The following TPGS2 variants were observed in gnomAD, a reference collection of about 807,000 sequenced individuals.
The protein encoded by TPGS2 is tubulin polyglutamylase complex subunit 2.
In TPGS2, 26 loss-of-function variants were observed where a neutral mutation model predicts 31.1. That is an observed-to-expected ratio of 0.84 (90% CI 0.61 to 1.16). TPGS2 has a LOEUF of 1.16. Ranked by LOEUF, TPGS2 falls within the 50% of genes most tolerant of loss-of-function variation. TPGS2 has a pLI of 0.00. For missense variants in TPGS2, 351 were observed against 363.8 expected (o/e 0.96, Z 0.29); for synonymous variants, 130 against 136.6 (o/e 0.95, Z 0.34).
chr18:36,790,999 C>T (rs1249406504), downstream of TPGS2, among the ~76,000 whole-genome samples: 1 of 152,102 alleles, frequency 6.6e-6, no homozygotes, highest in Non-Finnish European at 1.5e-5. Flanking sequence ...GAGGAGGGGC[C>T]TTGTGGGAGG....
rs59637434 is a variant in TPGS2 at position 36,818,502 on chromosome 18, G to A, written c.165+392C>T. The A allele has an allele frequency of 3.9e-3, 612 of 156,570 alleles. 5 individuals carry two copies. The highest frequency in any genetic ancestry group is 0.014 in the African/African-American group (576 of 41,714). The allele number at this position is 156,570 out of a possible 1,614,324, so 9.7% of individuals were successfully genotyped here. ...AGCTTAAAACTTTTATTGAATAAAC[G>A]AATTGAAGTTCAGAGGAAAGTTGGA... On this transcript the variant is annotated intron_variant, in intron 2 of 6. Coordinates refer to ENST00000334295, the MANE Select transcript of TPGS2 (RefSeq NM_015476.4).
chr18:36,780,250 T>C, downstream of TPGS2: 2 of 1,168,528 alleles, frequency 1.7e-6, no homozygotes, highest in Non-Finnish European at 2.1e-6. Context: ...CCTTTTATAA[T>C]TGGGCCTAAG....
intron 6 of TPGS2, among the ~76,000 whole-genome samples, chr18:36,787,870 G>A (rs981155156): frequency 5.9e-5 from 9 of 152,246 alleles, no homozygotes; most frequent in Admixed American, 4.6e-4. Flanking sequence ...AATCCAGCTA[G>A]CTATCCCTCT....
At chr18:36,788,292 C>G (rs2044192896) in intron 6 of TPGS2, among the ~76,000 whole-genome samples, 1 of 152,178 alleles carries the variant, frequency 6.6e-6, no homozygotes, top group Non-Finnish European at 1.5e-5. Context: ...AGAGCCCCAA[C>G]ACCATGTCCC....
chr18:36,800,708 G>A (rs1302411981), intron 4 of TPGS2, among the ~76,000 whole-genome samples: 4 of 108,928 alleles, frequency 3.7e-5, no homozygotes, highest in Non-Finnish European at 8.0e-5. Flanking sequence ...TTTTTTTTTT[G>A]AGATGGAGTC....
chr18:36,814,694 C>G (rs1350012736), intron 2 of TPGS2, among the ~76,000 whole-genome samples: 1 of 152,180 alleles, frequency 6.6e-6, no homozygotes, highest in Non-Finnish European at 1.5e-5. Flanking sequence ...CATATCCTTA[C>G]TAGTATAACA....
intron 1 of TPGS2, chr18:36,821,211 T>G (rs2045880680): frequency 6.6e-6 from 1 of 152,234 alleles, no homozygotes; most frequent in Non-Finnish European, 1.5e-5. Context: ...TGCCTTTCTT[T>G]GATTCCTGAG....
In TPGS2 at chr18:36,794,169, A is replaced by C. The variant is rs574181886; in HGVS notation, c.*2636T>G. 9 of 661,506 alleles carry C rather than the reference A, an allele frequency of 1.4e-5. No individual in the cohort carries two copies. In the Admixed American group the frequency reaches 5.7e-4, roughly 42 times the overall value. The allele number at this position is 661,506 out of a possible 1,614,324, so 41.0% of individuals were successfully genotyped here. On this transcript the variant is annotated 3_prime_UTR_variant, in exon 7 of 7. Coordinates refer to ENST00000334295, the MANE Select transcript of TPGS2 (RefSeq NM_015476.4). The stretch of plus-strand genomic sequence containing the variant: ...TAAGTAGCAAATAAAAAACACAGCC[A>C]TAACAAGTTGAGAAAGACACTATGG...
In TPGS2 at chr18:36,796,490, G is replaced by A; in HGVS notation, c.*315C>T. ...GGTCAAAACCAGTGGTTTCTTTGGG[G>A]GACCTCTCTAATCAATCAGTGCTAA... On this transcript the variant is annotated 3_prime_UTR_variant, in exon 7 of 7. Transcript: ENST00000334295. 2 of 1,100,280 alleles carry A rather than the reference G, an allele frequency of 1.8e-6. No homozygotes were observed. The highest frequency in any genetic ancestry group is 2.2e-6 in the Non-Finnish European group (2 of 905,820). 68.2% of individuals were successfully genotyped at this position (1,100,280 alleles called of 1,614,324 possible).
chr18:36,787,755 A>G (rs901220166), intron 6 of TPGS2, among the ~76,000 whole-genome samples: 1 of 152,242 alleles, frequency 6.6e-6, no homozygotes, highest in African/African-American at 2.4e-5. Flanking sequence ...CTTGGCTTAG[A>G]TGATTAGGCA....
At chr18:36,804,809 C>T (rs1051915507) in intron 4 of TPGS2, among the ~76,000 whole-genome samples, 1 of 152,142 alleles carries the variant, frequency 6.6e-6, no homozygotes, top group African/African-American at 2.4e-5. Flanking sequence ...GCTGAGAAAA[C>T]CATTGTTTTC....
chr18:36,787,071 A>G, intron 6 of TPGS2: 3 of 1,232,994 alleles, frequency 2.4e-6, no homozygotes, highest in East Asian at 3.2e-5. Context: ...TTTTGATATT[A>G]TAAGTTATCT....
chr18:36,828,617 C>T (rs765359598), intron 1 of TPGS2, 66 bp downstream of exon 1: 1 of 1,572,704 alleles, frequency 6.4e-7, no homozygotes, highest in Non-Finnish European at 8.7e-7. Flanking sequence ...TCACCCCGCA[C>T]CTCATCCCTC....
chr18:36,807,463 TG>T (rs2045210751), intron 3 of TPGS2: 1 of 185,328 alleles, frequency 5.4e-6, no homozygotes, highest in Admixed American at 6.1e-5. Flanking sequence ...AAGAGATAAG[TG>T]GCCCCCTCAT....
intron 1 of TPGS2, among the ~76,000 whole-genome samples, chr18:36,827,993 G>C (rs1299793931): frequency 6.6e-6 from 1 of 152,050 alleles, no homozygotes; most frequent in Non-Finnish European, 1.5e-5. Flanking sequence ...GATCACCTGA[G>C]GTCAGGAGTT....
At chr18:36,790,673 G>A (rs911933628), downstream of TPGS2, among the ~76,000 whole-genome samples, 2 of 152,196 alleles carry the variant, frequency 1.3e-5, no homozygotes, top group Non-Finnish European at 2.9e-5. Context: ...TCTGTGGGCT[G>A]ACCTTAGGTA....
chr18:36,795,669 T>C lies in TPGS2; in HGVS notation c.*1136A>G. 4.1e-6 allele frequency: 4 copies of C among 985,476 alleles called. No individual in the cohort carries two copies. The highest frequency in any genetic ancestry group is 4.8e-6 in the Non-Finnish European group (4 of 829,940). 61.0% of individuals were successfully genotyped at this position (985,476 alleles called of 1,614,324 possible). On this transcript the variant is annotated 3_prime_UTR_variant, in exon 7 of 7. Coordinates refer to ENST00000334295, the MANE Select transcript of TPGS2 (RefSeq NM_015476.4). ...TTTATCTTGTGTCAAATATTAAGCA[T>C]ATGTGGGCTAGAGGTTCCCCCATAT... is the stretch of plus-strand genomic sequence containing the variant.
At position 36,796,949 on chromosome 18, in the gene TPGS2, C is replaced by CT. The variant is rs779227658; in HGVS notation, c.758dup (p.Ser254GlufsTer36). Reference sequence around the variant, plus strand: ...TTGGGATTACGATCTTGTTCTTGCTCTTAAACACTTTGCTGGGATCTAGCT... The same window carrying CT: ...TTGGGATTACGATCTTGTTCTTGCTCTTTAAACACTTTGCTGGGATCTAGCT... On this transcript the variant is annotated frameshift_variant, in exon 7 of 7. Coordinates refer to ENST00000334295, the MANE Select transcript of TPGS2 (RefSeq NM_015476.4). LOFTEE classifies it high-confidence loss of function. 1 of 1,606,134 alleles carries CT rather than the reference C, an allele frequency of 6.2e-7. No individual in the cohort carries two copies. Among genetic ancestry groups the CT allele is most frequent in the Admixed American group, 1.7e-5 (1 of 58,034 alleles).
At chr18:36,816,223 A>G (rs1057441091) in intron 2 of TPGS2, among the ~76,000 whole-genome samples, 1 of 152,140 alleles carries the variant, frequency 6.6e-6, no homozygotes, top group Non-Finnish European at 1.5e-5. Context: ...CTATTTATCT[A>G]GCACTACAAC....
Sources: gnomAD v4.1 joint callset for allele counts (sites outside exome capture counted in the v4.1 genomes callset) on GRCh38, gnomAD v4.1.1 for gene constraint, MANE v1.5 for transcripts, NCBI Gene and HGNC (gene_info 2026-07-23, HGNC 2026-07-21) for gene names.